The following CRPPA variants were observed in gnomAD, a reference collection of about 807,000 sequenced individuals.
The protein encoded by CRPPA is CDP-L-ribitol pyrophosphorylase A.
A neutral mutation model predicts 52.0 loss-of-function variants in CRPPA; 43 were observed. That is an observed-to-expected ratio of 0.83 (90% confidence interval 0.65 to 1.07). The LOEUF (loss-of-function observed/expected upper bound fraction) is 1.07, where lower values mean the gene tolerates loss of function less well. Among genes scored for constraint, CRPPA ranks in the 50% least tolerant of loss-of-function variants. The pLI is 0.00. For missense variants in CRPPA, 629 were observed against 551.7 expected, an observed-to-expected ratio of 1.14 and a Z score of -1.40; for synonymous variants, 250 against 203.5, an observed-to-expected ratio of 1.23 and a Z score of -1.94.
At chr7:16,195,978 T>G (rs373630626) in intron 9 of CRPPA, among the ~76,000 whole-genome samples, 1 of 152,082 alleles carries the variant, frequency 6.6e-6, no homozygotes. Flanking sequence ...CATAAAATAA[T>G]CTGGAGATTA....
At chr7:16,410,085 A>C (rs1231349116) in intron 1 of CRPPA, among the ~76,000 whole-genome samples, 1 of 152,228 alleles carries the variant, frequency 6.6e-6, no homozygotes, top group Non-Finnish European at 1.5e-5. Context: ...TGAAAACAGC[A>C]TTCCCTATGC....
At chr7:16,396,881 T>G (rs1221591845) in intron 2 of CRPPA, among the ~76,000 whole-genome samples, 1 of 152,232 alleles carries the variant, frequency 6.6e-6, no homozygotes, top group African/African-American at 2.4e-5. Context: ...TGAAAGCACA[T>G]GTGACAAAAA....
chr7:16,419,628 TA>T (rs1156312934), intron 1 of CRPPA, among the ~76,000 whole-genome samples: 1 of 152,114 alleles, frequency 6.6e-6, no homozygotes, highest in African/African-American at 2.4e-5. Context: ...TGAGATATTT[TA>T]TAGACCCTTC....
In CRPPA at chr7:16,216,007, T is replaced by C. The variant is rs1583436582; in HGVS notation, c.1251+59A>G. On this transcript the variant is annotated intron_variant, in intron 9 of 9. Transcript: ENST00000407010. ...ATCCTCCTGCTTTTAACAAATCAGATACCTACCATTAAAACTAGTCTACAG... is the reference window on the plus strand; with the variant it reads ...ATCCTCCTGCTTTTAACAAATCAGACACCTACCATTAAAACTAGTCTACAG... The C allele has an allele frequency of 1.3e-5, 17 of 1,308,082 alleles. No individual in the cohort carries two copies. In the South Asian group the frequency reaches 2.0e-4, roughly 16 times the overall value. 81.0% of individuals were successfully genotyped at this position (1,308,082 alleles called of 1,614,324 possible).
At chr7:16,224,483 C>T (rs1038099339) in intron 8 of CRPPA, among the ~76,000 whole-genome samples, 2 of 152,144 alleles carry the variant, frequency 1.3e-5, no homozygotes, top group Non-Finnish European at 2.9e-5. Context: ...AGAACCAAAG[C>T]TTAAGTATAT....
At chr7:16,121,537 T>A (rs1303357107) in intron 9 of CRPPA, among the ~76,000 whole-genome samples, 1 of 152,122 alleles carries the variant, frequency 6.6e-6, no homozygotes, top group East Asian at 1.9e-4. Context: ...TTCCCGAATT[T>A]GCAATATCCA....
intron 3 of CRPPA, among the ~76,000 whole-genome samples, chr7:16,363,292 C>T (rs1786505999): frequency 6.6e-6 from 1 of 152,124 alleles, no homozygotes; most frequent in South Asian, 2.1e-4. Context: ...CAGTTTTGCA[C>T]TGCAAGTTAA....
At chr7:16,247,745 G>A (rs756931832) in intron 8 of CRPPA, 8 of 152,068 alleles carry the variant, frequency 5.3e-5, no homozygotes, top group African/African-American at 9.7e-5. Context: ...GTATGCCTAC[G>A]TTCAAGTATT....
chr7:16,225,256 T>C (rs1782617466), intron 8 of CRPPA, among the ~76,000 whole-genome samples: 1 of 151,992 alleles, frequency 6.6e-6, no homozygotes, highest in South Asian at 2.1e-4. Flanking sequence ...AAACAGTTAA[T>C]AGGAAAACCT....
At chr7:16,289,180 G>A (rs886950914) in intron 5 of CRPPA, among the ~76,000 whole-genome samples, 4 of 151,954 alleles carry the variant, frequency 2.6e-5, no homozygotes, top group Admixed American at 6.6e-5. Flanking sequence ...CTTAACAGAT[G>A]AATAATTATT....
chr7:16,350,843 A>G (rs1221391401), intron 3 of CRPPA, among the ~76,000 whole-genome samples: 1 of 152,174 alleles, frequency 6.6e-6, no homozygotes, highest in Admixed American at 6.5e-5. Context: ...ATCCAACTAT[A>G]TGCTATGAGA....
chr7:16,209,116 A>T (rs1455228101), intron 9 of CRPPA: 7 of 360,044 alleles, frequency 1.9e-5, no homozygotes, highest in Non-Finnish European at 3.3e-5. Context: ...AATTATCCAG[A>T]AAAAGCTAAA....
chr7:16,246,975 C>T (rs969489205), intron 8 of CRPPA, among the ~76,000 whole-genome samples: 4 of 152,226 alleles, frequency 2.6e-5, no homozygotes, highest in African/African-American at 7.2e-5. Context: ...ATTGACTTCT[C>T]TGTCCATAAA....
intron 8 of CRPPA, among the ~76,000 whole-genome samples, chr7:16,226,882 T>C (rs1782665706): frequency 6.6e-6 from 1 of 151,932 alleles, no homozygotes. Context: ...AATCAATCTT[T>C]TATTCCTCAT....
intron 4 of CRPPA, among the ~76,000 whole-genome samples, chr7:16,305,790 G>C (rs901786062): frequency 6.6e-6 from 1 of 152,230 alleles, no homozygotes; most frequent in African/African-American, 2.4e-5. Flanking sequence ...ACTGAGGCGG[G>C]AGAATTGCTT....
At chr7:16,379,293 T>C (rs1406990469) in intron 2 of CRPPA, among the ~76,000 whole-genome samples, 1 of 152,208 alleles carries the variant, frequency 6.6e-6, no homozygotes, top group Non-Finnish European at 1.5e-5. Flanking sequence ...AAAGATCAGA[T>C]AGTTGTAGAT....
intron 8 of CRPPA, among the ~76,000 whole-genome samples, chr7:16,225,574 T>C (rs1055061062): frequency 6.6e-6 from 1 of 151,950 alleles, no homozygotes; most frequent in African/African-American, 2.4e-5. Flanking sequence ...AAAAAGCAGG[T>C]ATATGCTTCT....
At chr7:16,152,944 A>G (rs1283899567) in intron 9 of CRPPA, among the ~76,000 whole-genome samples, 1 of 152,022 alleles carries the variant, frequency 6.6e-6, no homozygotes, top group East Asian at 1.9e-4. Context: ...TCAGAAAGAA[A>G]GCCAATGTTG....
At chr7:16,382,710 T>C (rs1787134694) in intron 2 of CRPPA, among the ~76,000 whole-genome samples, 2 of 152,038 alleles carry the variant, frequency 1.3e-5, no homozygotes, top group African/African-American at 4.8e-5. Flanking sequence ...CTTTTTTCTC[T>C]AAACTTCCCT....
Sources: allele counts gnomAD v4.1 joint callset (sites outside exome capture counted in the v4.1 genomes callset), GRCh38; gene constraint gnomAD v4.1.1; transcripts MANE v1.5; gene names NCBI Gene and HGNC (gene_info 2026-07-23, HGNC 2026-07-21).